Variants in ETNK1 observed in about 807,000 individuals in gnomAD.
ETNK1 encodes the protein ethanolamine kinase 1.
A neutral mutation model predicts 45.1 loss-of-function variants in ETNK1; 8 were observed. That is an observed-to-expected ratio of 0.18 (90% CI 0.10 to 0.32). The LOEUF is 0.32. ETNK1 is among the 10% of genes least tolerant of loss of function. The pLI is 1.00. For synonymous variants in ETNK1, 152 were observed against 151.9 expected (o/e 1.00, Z -0.01); for missense variants, 302 against 430.6 (o/e 0.70, Z 2.64).
intron 4 of ETNK1, among the ~76,000 whole-genome samples, chr12:22,661,904 T>C (rs78348183): frequency 6.6e-6 from 1 of 152,214 alleles, no homozygotes; most frequent in East Asian, 1.9e-4. Flanking sequence ...ATTATATTAC[T>C]GGGTGAAGTG....
chr12:22,677,241 T>C (rs1353124267), intron 6 of ETNK1, among the ~76,000 whole-genome samples: 1 of 152,228 alleles, frequency 6.6e-6, no homozygotes, highest in Non-Finnish European at 1.5e-5. Flanking sequence ...TAGCCAGTTT[T>C]CCCAACACCA....
At chr12:22,669,443 A>G (rs1475195436) in intron 4 of ETNK1, among the ~76,000 whole-genome samples, 1 of 151,500 alleles carries the variant, frequency 6.6e-6, no homozygotes, top group Admixed American at 6.6e-5. Flanking sequence ...TTTTCTCTGT[A>G]GGCATATTTT....
At chr12:22,672,475 TATC>T (rs1352174172) in intron 5 of ETNK1, among the ~76,000 whole-genome samples, 1 of 152,198 alleles carries the variant, frequency 6.6e-6, no homozygotes, top group East Asian at 1.9e-4. Context: ...CTACCAAGCT[TATC>T]ATATACATAT....
At chr12:22,666,100 C>T (rs1954051242) in intron 4 of ETNK1, among the ~76,000 whole-genome samples, 2 of 152,224 alleles carry the variant, frequency 1.3e-5, no homozygotes, top group Non-Finnish European at 1.5e-5. Context: ...TTTGCCTCTA[C>T]CTGCTCTCAC....
intron 1 of ETNK1, among the ~76,000 whole-genome samples, chr12:22,643,499 C>G (rs1210066300): frequency 6.6e-6 from 1 of 151,870 alleles, no homozygotes; most frequent in Non-Finnish European, 1.5e-5. Context: ...ATATTGAAGA[C>G]AGAATGTATA....
Position 22,688,013 on chromosome 12 carries a change from G to T in ETNK1, c.*3059G>T, listed in dbSNP as rs1954274026. 6.6e-6 allele frequency: 1 copy of T among 152,140 alleles called. No individual in the cohort carries two copies. 9.4% of individuals were successfully genotyped at this position (152,140 alleles called of 1,614,324 possible). On this transcript the variant is annotated 3_prime_UTR_variant, in exon 8 of 8. Transcript: ENST00000266517. ...TTAGTTAGCCGTTAGGTTTTGTGAG[G>T]TTAGATTCCTGGAAGCAGTGAATTT...
chr12:22,659,709 G>A (rs1203873455), intron 3 of ETNK1, among the ~76,000 whole-genome samples: 1 of 152,038 alleles, frequency 6.6e-6, no homozygotes, highest in Non-Finnish European at 1.5e-5. Context: ...AACAGTGCCT[G>A]GTCATCACTT....
At chr12:22,680,530 T>A (rs910007728) in intron 6 of ETNK1, among the ~76,000 whole-genome samples, 3 of 152,210 alleles carry the variant, frequency 2.0e-5, no homozygotes, top group Non-Finnish European at 2.9e-5. Flanking sequence ...TGATGTTGCA[T>A]GTCTGTGTAC....
intron 2 of ETNK1, among the ~76,000 whole-genome samples, chr12:22,649,443 G>A (rs1953847216): frequency 1.3e-5 from 2 of 152,050 alleles, no homozygotes; most frequent in Admixed American, 1.3e-4. Flanking sequence ...TGAAGGTCCA[G>A]TTGTTCAGCA....
At chr12:22,664,707 A>G (rs1329739193) in intron 4 of ETNK1, among the ~76,000 whole-genome samples, 2 of 152,096 alleles carry the variant, frequency 1.3e-5, no homozygotes, top group Admixed American at 1.3e-4. Flanking sequence ...GTCTTTTGAG[A>G]TTAAGATAAT....
At chr12:22,630,718 C>G (rs1308837371) in intron 1 of ETNK1, among the ~76,000 whole-genome samples, 2 of 152,010 alleles carry the variant, frequency 1.3e-5, no homozygotes, top group Non-Finnish European at 2.9e-5. Context: ...TCAAGTGATT[C>G]TCGTGCCTCA....
At chr12:22,655,091 CTAGTAGCTGGGATT>C (rs1953921407) in intron 2 of ETNK1, among the ~76,000 whole-genome samples, 1 of 152,066 alleles carries the variant, frequency 6.6e-6, no homozygotes, top group African/African-American at 2.4e-5. Context: ...CTCAGCCTCT[CTAGTAGCTGGGATT>C]ACAGGTGCCT....
At chr12:22,675,157 C>T (rs1462052353) in intron 6 of ETNK1, among the ~76,000 whole-genome samples, 1 of 152,162 alleles carries the variant, frequency 6.6e-6, no homozygotes, top group Non-Finnish European at 1.5e-5. Flanking sequence ...CAGCCTCAAC[C>T]TCCCGGGCTT....
chr12:22,642,228 G>A (rs765777748), intron 1 of ETNK1, among the ~76,000 whole-genome samples: 1 of 151,978 alleles, frequency 6.6e-6, no homozygotes, highest in Non-Finnish European at 1.5e-5. Context: ...TACCGTATTT[G>A]AAATATTTTA....
At chr12:22,658,873 CT>C in intron 2 of ETNK1, 140 bp from the exon 3 acceptor site, 1 of 741,544 alleles carries the variant, frequency 1.3e-6, no homozygotes, top group Middle Eastern at 4.0e-4. Context: ...CTTGCTAAAA[CT>C]GGTTTTTACA....
intron 1 of ETNK1, 68 bp from the exon 2 acceptor site, chr12:22,643,695 A>G (rs570468632): frequency 1.3e-5 from 18 of 1,358,288 alleles, no homozygotes; most frequent in African/African-American, 1.2e-4. Context: ...ATGATTTTCA[A>G]TTTATCTCCT....
At position 22,659,056 on chromosome 12, in the gene ETNK1, A is replaced by G. The variant is rs1209229220; in HGVS notation, c.459A>G (p.Ala153=). ...RQLAKIHAIH[A]HNGWIPKSNL... ...TTGCTAAAATCCATGCTATTCATGC[A>G]CACAATGGCTGGATCCCCAAATCTA... Residue 153 remains alanine, a synonymous_variant, in exon 3 of 8, where the codon GCA becomes GCG. Transcript: ENST00000266517. The G allele has an allele frequency of 1.2e-6, 2 of 1,614,034 alleles. No individual in the cohort carries two copies. The highest frequency in any genetic ancestry group is 1.6e-4 in the Middle Eastern group (1 of 6,062).
intron 2 of ETNK1, chr12:22,656,660 C>G: frequency 1.0e-6 from 1 of 985,350 alleles, no homozygotes; most frequent in Non-Finnish European, 1.2e-6. Context: ...GGAGTTCTGA[C>G]AGTTCCAGCA....
chr12:22,669,741 A>G lies in ETNK1; in HGVS notation c.701-1531A>G, dbSNP rs1954088891. ...TTCTGTGAATTCAAGTATACAAGGC[A>G]GGAGGATCACTTCAGGCCAGGAGTT... On this transcript the variant is annotated intron_variant, in intron 4 of 7. Transcript: ENST00000266517. Among the ~76,000 whole-genome samples the G allele has an allele frequency of 2.0e-5, 3 of 152,140 alleles. No individual in the cohort carries two copies. The South Asian group carries it at 6.2e-4, about 31-fold the overall frequency.
Sources: allele counts gnomAD v4.1 joint callset (sites outside exome capture counted in the v4.1 genomes callset), GRCh38; gene constraint gnomAD v4.1.1; transcripts MANE v1.5; gene names NCBI Gene and HGNC (gene_info 2026-07-23, HGNC 2026-07-21).